Variants in DHRSX observed in about 807,000 individuals in gnomAD.
DHRSX encodes dehydrogenase/reductase X-linked.
DHRSX carries 31 observed loss-of-function variants against 34.0 expected under a neutral mutation model. That is an observed-to-expected ratio of 0.91 (90% CI 0.69 to 1.23). The LOEUF (loss-of-function observed/expected upper bound fraction) is 1.23. DHRSX is among the 50% of genes most tolerant of loss of function. The pLI, the probability that DHRSX is intolerant of heterozygous loss-of-function variation, is 0.00. For missense variants in DHRSX, 414 were observed against 428.1 expected (o/e 0.97, Z 0.29); for synonymous variants, 201 against 183.8 (o/e 1.09, Z -0.76).
intron 2 of DHRSX, among the ~76,000 whole-genome samples, chrX:2,416,811 G>T (rs1337607012): frequency 1.3e-5 from 2 of 151,824 alleles, no homozygotes; most frequent in Admixed American, 6.6e-5. Context: ...GTTGGACCCA[G>T]GTTATAATCT....
chrX:2,493,019 G>A (rs2045194677), intron 1 of DHRSX, among the ~76,000 whole-genome samples: 1 of 152,238 alleles, frequency 6.6e-6, no homozygotes, highest in South Asian at 2.1e-4. Context: ...TTAGGGAGAC[G>A]CCGCCACGTG....
At position 2,294,806 on chromosome X, in the gene DHRSX, A is replaced by T. The variant is rs777746152; in HGVS notation, c.287-3203T>A. On this transcript the variant is annotated intron_variant, in intron 3 of 6. Transcript: ENST00000334651. ...AGGAAAAAGAGAGGGAGAGAGAGAG[A>T]GGAAAAAGAGAGGGAGAGAGAGAGG... Among the ~76,000 whole-genome samples the T allele has an allele frequency of 1.5e-3, 186 of 120,254 alleles. 2 individuals carry two copies. The highest frequency in any genetic ancestry group is 5.0e-3 in the African/African-American group (180 of 36,318). The allele number at this position is 120,254 out of a possible 152,430, so 78.9% of individuals were successfully genotyped here. A position where few individuals can be genotyped will look rare whatever the true frequency, so the allele number is the denominator to read the frequency against.
chrX:2,398,835 A>C lies in DHRSX; in HGVS notation c.286+9910T>G, dbSNP rs1275095627. ...CAGGCATGCGCCACCATGCCTGGCT[A>C]ATTTTTGTATTTCTATTTATTTGTT... is the stretch of plus-strand genomic sequence containing the variant. On this transcript the variant is annotated intron_variant, in intron 3 of 6. Transcript: ENST00000334651. Among the ~76,000 whole-genome samples, 3 of 151,520 alleles carry C rather than the reference A, an allele frequency of 2.0e-5. No homozygotes were observed. In the East Asian group the frequency reaches 5.8e-4, roughly 29 times the overall value.
chrX:2,492,097 A>G (rs2045164717), intron 1 of DHRSX, among the ~76,000 whole-genome samples: 1 of 152,222 alleles, frequency 6.6e-6, no homozygotes, highest in Non-Finnish European at 1.5e-5. Context: ...GCATATTTCA[A>G]TGATGACTAT....
At chrX:2,382,987 G>T (rs750352148) in intron 3 of DHRSX, among the ~76,000 whole-genome samples, 45,841 of 128,720 alleles carry the variant, frequency 0.36, 7,640 homozygotes, top group East Asian at 0.49. Flanking sequence ...ACCATCATCA[G>T]CAGCATCATC....
chrX:2,488,964 C>T (rs1412534655), intron 1 of DHRSX: 14 of 1,596,304 alleles, frequency 8.8e-6, no homozygotes, highest in Non-Finnish European at 8.5e-7. Context: ...TTGAGGGGGT[C>T]TTCGTTGAGG....
intron 1 of DHRSX, among the ~76,000 whole-genome samples, chrX:2,446,866 C>T (rs1214841347): frequency 6.6e-6 from 1 of 151,940 alleles, no homozygotes; most frequent in Admixed American, 6.6e-5. Flanking sequence ...AGAATGGGGC[C>T]AAGGGACCGT....
At chrX:2,438,296 A>G (rs1337500073) in intron 1 of DHRSX, among the ~76,000 whole-genome samples, 7 of 113,240 alleles carry the variant, frequency 6.2e-5, no homozygotes, top group Non-Finnish European at 7.2e-5. Context: ...GTTACACATT[A>G]CAGAATGCAT....
At chrX:2,479,651 C>T (rs2044739283) in intron 1 of DHRSX, among the ~76,000 whole-genome samples, 1 of 149,530 alleles carries the variant, frequency 6.7e-6, no homozygotes, top group Non-Finnish European at 1.5e-5. Context: ...TGAAGATGTT[C>T]GCTAAGCATG....
intron 1 of DHRSX, chrX:2,489,458 A>G (rs1430404007): frequency 6.2e-7 from 1 of 1,613,800 alleles, no homozygotes; most frequent in Admixed American, 1.7e-5. Flanking sequence ...CGGCTTCACC[A>G]TGCTGATGGT....
At chrX:2,455,741 CAAAAAA>C (rs752123891) in intron 1 of DHRSX, among the ~76,000 whole-genome samples, 4 of 59,796 alleles carry the variant, frequency 6.7e-5, no homozygotes, top group South Asian at 1.1e-3. Context: ...AACTTCGTCT[CAAAAAA>C]AAAAAAAAAA....
chrX:2,241,538 C>A (rs1403260234), intron 6 of DHRSX, among the ~76,000 whole-genome samples: 1 of 152,114 alleles, frequency 6.6e-6, no homozygotes, highest in East Asian at 1.9e-4. Flanking sequence ...CTGTCAACAG[C>A]CCTGCAGAGA....
At chrX:2,404,899 A>G (rs1271650580) in intron 3 of DHRSX, among the ~76,000 whole-genome samples, 1 of 152,136 alleles carries the variant, frequency 6.6e-6, no homozygotes, top group African/African-American at 2.4e-5. Flanking sequence ...ACAGAAACCA[A>G]TCCTTTTGCC....
chrX:2,273,257 C>T (rs1191652555), intron 4 of DHRSX, among the ~76,000 whole-genome samples: 1 of 152,168 alleles, frequency 6.6e-6, no homozygotes, highest in Non-Finnish European at 1.5e-5. Flanking sequence ...ATACCTGCAC[C>T]TGTCTGTTTC....
chrX:2,452,592 G>A (rs1157397150), intron 1 of DHRSX, among the ~76,000 whole-genome samples: 3 of 151,718 alleles, frequency 2.0e-5, no homozygotes, highest in Non-Finnish European at 2.9e-5. Flanking sequence ...CCCTAAGCAT[G>A]TGGCCAATGG....
At chrX:2,488,450 T>C in intron 1 of DHRSX, 5 of 762,012 alleles carry the variant, frequency 6.6e-6, no homozygotes, top group East Asian at 2.9e-5. Flanking sequence ...GCTGCGATTA[T>C]AGACAGGAGC....
chrX:2,326,985 G>A (rs949515570), intron 3 of DHRSX, among the ~76,000 whole-genome samples: 2 of 151,804 alleles, frequency 1.3e-5, no homozygotes, highest in South Asian at 4.2e-4. Flanking sequence ...CTAATTTTTC[G>A]TATTTTTAGT....
At chrX:2,438,922 G>A (rs2044030195) in intron 1 of DHRSX, among the ~76,000 whole-genome samples, 1 of 151,932 alleles carries the variant, frequency 6.6e-6, no homozygotes, top group Non-Finnish European at 1.5e-5. Context: ...CGAGGTGGGT[G>A]GATCATGAGG....
intron 3 of DHRSX, among the ~76,000 whole-genome samples, chrX:2,351,426 C>G (rs190284422): frequency 5.3e-5 from 8 of 152,282 alleles, no homozygotes; most frequent in Non-Finnish European, 1.2e-4. Flanking sequence ...AACATGAGCT[C>G]TGGCACTTGT....
Sources: allele counts gnomAD v4.1 joint callset (sites outside exome capture counted in the v4.1 genomes callset), GRCh38; gene constraint gnomAD v4.1.1; transcripts MANE v1.5; gene names NCBI Gene and HGNC (gene_info 2026-07-23, HGNC 2026-07-21).